NRG1: variants seen among roughly 807,000 people sequenced by gnomAD.
The protein encoded by NRG1 is neuregulin 1.
A neutral mutation model predicts 63.8 loss-of-function variants in NRG1; 18 were observed. The observed-to-expected ratio is 0.28, with a 90% confidence interval of 0.19 to 0.42. The LOEUF (loss-of-function observed/expected upper bound fraction) is 0.42, where lower values mean the gene tolerates loss of function less well. NRG1 is among the 10% of genes least tolerant of loss of function. NRG1 has a pLI of 1.00. For missense variants in NRG1, 762 were observed against 814.7 expected (o/e 0.94, Z 0.79); for synonymous variants, 302 against 301.3 (o/e 1.00, Z -0.02).
chr8:32,751,164 A>G (rs538711689), intron 7 of NRG1: 5 of 152,392 alleles, frequency 3.3e-5, no homozygotes, highest in African/African-American at 1.2e-4. Context: ...TCTCAAAGGT[A>G]CAGTTTCCAG....
chr8:32,247,872 G>C (rs1848737579), intron 1 of NRG1, among the ~76,000 whole-genome samples: 1 of 152,068 alleles, frequency 6.6e-6, no homozygotes, highest in Non-Finnish European at 1.5e-5. Context: ...ATATTATTAA[G>C]AGTAGACTAA....
chr8:31,793,676 G>A (rs1472404837), intron 1 of NRG1, among the ~76,000 whole-genome samples: 1 of 152,164 alleles, frequency 6.6e-6, no homozygotes, highest in East Asian at 1.9e-4. Context: ...GTAATCTGAA[G>A]TAAACAAACA....
intron 1 of NRG1, among the ~76,000 whole-genome samples, chr8:32,141,604 A>G (rs1210824211): frequency 9.2e-6 from 1 of 108,168 alleles, no homozygotes; most frequent in African/African-American, 3.2e-5. Flanking sequence ...ATATATATAT[A>G]TATATATATA....
exon 1 of NRG1, chr8:31,639,318 A>G (rs1174687045): frequency 6.6e-6 from 10 of 1,514,364 alleles, no homozygotes; most frequent in Middle Eastern, 4.2e-4. Context: ...TCGGGGCGAC[A>G]GAGAGGGAGG....
chr8:32,709,687 C>T (rs1817328685), intron 5 of NRG1, among the ~76,000 whole-genome samples: 1 of 152,018 alleles, frequency 6.6e-6, no homozygotes, highest in Admixed American at 6.6e-5. Flanking sequence ...TCCCAAAGTG[C>T]TGGGATAATA....
intron 1 of NRG1, among the ~76,000 whole-genome samples, chr8:32,251,709 A>C (rs1563232477): frequency 6.6e-6 from 1 of 152,142 alleles, no homozygotes. Context: ...CATCTTCTCT[A>C]GCATCTTGTT....
At chr8:32,721,242 A>G (rs947741721) in intron 5 of NRG1, among the ~76,000 whole-genome samples, 3 of 152,198 alleles carry the variant, frequency 2.0e-5, no homozygotes, top group African/African-American at 7.2e-5. Flanking sequence ...AATATAGGAT[A>G]AACTATAAAA....
At position 32,519,006 on chromosome 8, in the gene NRG1, G is replaced by A. The variant is rs1024187616; in HGVS notation, c.38-76822G>A. Among the ~76,000 whole-genome samples the A allele has an allele frequency of 2.5e-4, 38 of 152,110 alleles. 1 individual carries two copies. Among genetic ancestry groups the A allele is most frequent in the African/African-American group, 8.9e-4 (37 of 41,438 alleles). On this transcript the variant is annotated intron_variant, in intron 1 of 10. Transcript: ENST00000519301. ...GTTGTAGCATTCTAACTAATGAGTA[G>A]TATGACAAAATTACGTTGTTATTAT...
intron 1 of NRG1, among the ~76,000 whole-genome samples, chr8:32,195,456 G>A (rs929856867): frequency 7.4e-6 from 1 of 135,490 alleles, no homozygotes; most frequent in Non-Finnish European, 1.6e-5. Context: ...AAAAAAAAAT[G>A]TCCCTCTAAG....
Position 32,737,436 on chromosome 8 carries a change from A to G in NRG1, c.633-5239A>G, listed in dbSNP as rs753230483. Among the ~76,000 whole-genome samples the G allele has an allele frequency of 6.6e-5, 10 of 152,056 alleles. No individual in the cohort carries two copies. The South Asian group carries it at 1.4e-3, about 22-fold the overall frequency. On this transcript the variant is annotated intron_variant, in intron 6 of 11. Transcript: ENST00000356819. ...CATGGTGGTGCATGCCTGTAATCTC[A>G]GCTACTTGGGAGACTGAGGCAGGAG...
intron 1 of NRG1, among the ~76,000 whole-genome samples, chr8:32,183,436 G>C (rs16878944): frequency 0.029 from 4,403 of 152,194 alleles, 189 homozygotes; most frequent in African/African-American, 0.1. Context: ...AAGTCTTACA[G>C]CTCTGCCAAA....
chr8:31,968,701 A>G (rs1047871962), intron 1 of NRG1, among the ~76,000 whole-genome samples: 3 of 152,084 alleles, frequency 2.0e-5, no homozygotes, highest in Non-Finnish European at 4.4e-5. Context: ...TCCTAAACCC[A>G]GAAAGAATCC....
At chr8:32,410,430 G>C (rs1441026418) in intron 1 of NRG1, among the ~76,000 whole-genome samples, 1 of 151,920 alleles carries the variant, frequency 6.6e-6, no homozygotes, top group Non-Finnish European at 1.5e-5. Flanking sequence ...GCCTCCCAAA[G>C]TGATGGGATT....
intron 1 of NRG1, among the ~76,000 whole-genome samples, chr8:31,672,264 G>C (rs1807233600): frequency 1.3e-5 from 2 of 152,070 alleles, no homozygotes; most frequent in South Asian, 4.1e-4. Context: ...CCATTAACAA[G>C]GTGTTAGACA....
intron 1 of NRG1, among the ~76,000 whole-genome samples, chr8:32,414,845 T>C (rs969465227): frequency 3.2e-4 from 49 of 152,090 alleles, no homozygotes; most frequent in African/African-American, 1.1e-3. Flanking sequence ...GGTGCTTCGG[T>C]TGAATCTAGG....
intron 1 of NRG1, among the ~76,000 whole-genome samples, chr8:32,102,944 G>T (rs1168838999): frequency 6.6e-6 from 1 of 151,772 alleles, no homozygotes; most frequent in Non-Finnish European, 1.5e-5. Context: ...TATTTATGGG[G>T]TATGTGAGAT....
chr8:32,182,143 C>T (rs16878943), intron 1 of NRG1, among the ~76,000 whole-genome samples: 2 of 152,018 alleles, frequency 1.3e-5, no homozygotes, highest in Non-Finnish European at 2.9e-5. Context: ...TGGGCACAGC[C>T]TCTGATGAAT....
intron 1 of NRG1, among the ~76,000 whole-genome samples, chr8:32,558,225 A>G (rs1835572375): frequency 6.6e-6 from 1 of 152,166 alleles, no homozygotes; most frequent in Non-Finnish European, 1.5e-5. Flanking sequence ...GAGCCTCTAC[A>G]TTGGACTGTG....
intron 1 of NRG1, among the ~76,000 whole-genome samples, chr8:32,092,899 G>A (rs1391957106): frequency 2.2e-4 from 34 of 152,178 alleles, no homozygotes; most frequent in Non-Finnish European, 2.9e-5. Context: ...GTGACCAAGT[G>A]TTGATCACAT....
Sources: allele counts gnomAD v4.1 joint callset (sites outside exome capture counted in the v4.1 genomes callset), GRCh38; gene constraint gnomAD v4.1.1; transcripts MANE v1.5; gene names NCBI Gene and HGNC (gene_info 2026-07-23, HGNC 2026-07-21).